THSD4: variants seen among roughly 807,000 people sequenced by gnomAD.
The protein encoded by THSD4 is thrombospondin type-1 domain-containing protein 4.
A neutral mutation model predicts 119.0 loss-of-function variants in THSD4; 69 were observed. The ratio of observed to expected loss-of-function variants is 0.58; its 90% CI spans 0.48 to 0.71. The LOEUF is 0.71. Among genes scored for constraint, THSD4 ranks in the 30% least tolerant of loss-of-function variants. The probability of loss-of-function intolerance (pLI) is 0.00; values close to 1 mark genes in which losing one functional copy is unlikely to be tolerated. For synonymous variants in THSD4, 524 were observed against 540.4 expected (o/e 0.97, Z 0.42); for missense variants, 1,393 against 1,391.1 (o/e 1.00, Z -0.02).
intron 7 of THSD4, among the ~76,000 whole-genome samples, chr15:71,521,376 A>G (rs1454032382): frequency 2.0e-5 from 3 of 152,226 alleles, no homozygotes; most frequent in Non-Finnish European, 4.4e-5. Flanking sequence ...AAATGAAATA[A>G]GATTCTTTAG....
In THSD4 at chr15:71,689,672, G is replaced by A. The variant is rs188253105; in HGVS notation, c.1357+28938G>A. 2.3e-3 allele frequency among the ~76,000 whole-genome samples: 350 copies of A among 152,302 alleles called. 4 individuals carry two copies. Among genetic ancestry groups the A allele is most frequent in the African/African-American group, 7.6e-3 (317 of 41,568 alleles). ...GATTTGTCACTTGGGGCAAGACTGCGTGCATCACCTCAGTTTCTGCATCCA... is the reference window on the plus strand; with the variant it reads ...GATTTGTCACTTGGGGCAAGACTGCATGCATCACCTCAGTTTCTGCATCCA... On this transcript the variant is annotated intron_variant, in intron 8 of 17. Coordinates refer to ENST00000261862, the MANE Select transcript of THSD4 (RefSeq NM_024817.3).
chr15:71,405,492 A>T (rs1027888589), intron 6 of THSD4, among the ~76,000 whole-genome samples: 8 of 152,208 alleles, frequency 5.3e-5, no homozygotes, highest in African/African-American at 1.2e-4. Flanking sequence ...TCAAAAATCA[A>T]TTGTCCATAA....
intron 14 of THSD4, among the ~76,000 whole-genome samples, chr15:71,750,810 A>T (rs2141180410): frequency 6.6e-6 from 1 of 152,300 alleles, no homozygotes; most frequent in East Asian, 1.9e-4. Context: ...AGGAGAGCTC[A>T]TCCTAGTTCT....
At chr15:71,343,393 T>C (rs1322696967) in intron 6 of THSD4, among the ~76,000 whole-genome samples, 4 of 152,208 alleles carry the variant, frequency 2.6e-5, no homozygotes, top group Admixed American at 6.5e-5. Context: ...CAGATGACTG[T>C]AAAGTTAGTG....
chr15:71,232,971 T>A (rs2044073260), intron 4 of THSD4, among the ~76,000 whole-genome samples: 1 of 152,156 alleles, frequency 6.6e-6, no homozygotes, highest in Non-Finnish European at 1.5e-5. Flanking sequence ...CACTGGGGTG[T>A]TTGTCATCAC....
At chr15:71,354,236 A>G (rs1322567473) in intron 6 of THSD4, among the ~76,000 whole-genome samples, 1 of 152,214 alleles carries the variant, frequency 6.6e-6, no homozygotes, top group East Asian at 1.9e-4. Flanking sequence ...TTGAGGCTGC[A>G]GTGAGCCATG....
chr15:71,136,249 C>T (rs2040551251), intron 1 of THSD4, among the ~76,000 whole-genome samples: 1 of 151,998 alleles, frequency 6.6e-6, no homozygotes, highest in African/African-American at 2.4e-5. Flanking sequence ...TTGGAACTGC[C>T]CTGATGTCGG....
intron 7 of THSD4, among the ~76,000 whole-genome samples, chr15:71,552,287 G>A (rs1239500211): frequency 6.6e-6 from 1 of 152,148 alleles, no homozygotes; most frequent in African/African-American, 2.4e-5. Context: ...TTTATGACGT[G>A]TCATTTAGGT....
chr15:71,486,088 A>G (rs540040539), intron 7 of THSD4, among the ~76,000 whole-genome samples: 1 of 152,234 alleles, frequency 6.6e-6, no homozygotes, highest in African/African-American at 2.4e-5. Context: ...GGACATGTGG[A>G]GTTTTATATA....
chr15:71,709,979 G>A (rs962393112), intron 8 of THSD4, among the ~76,000 whole-genome samples: 2 of 152,174 alleles, frequency 1.3e-5, no homozygotes, highest in African/African-American at 2.4e-5. Flanking sequence ...CTAGGGATGT[G>A]GGGAATCCCC....
chr15:71,691,932 G>A (rs1297609830), intron 8 of THSD4, among the ~76,000 whole-genome samples: 1 of 152,132 alleles, frequency 6.6e-6, no homozygotes, highest in Non-Finnish European at 1.5e-5. Context: ...AGATCAAGCC[G>A]TCCAGGTGGA....
chr15:71,407,066 CT>C (rs2096706515), intron 6 of THSD4, among the ~76,000 whole-genome samples: 1 of 152,088 alleles, frequency 6.6e-6, no homozygotes, highest in African/African-American at 2.4e-5. Context: ...ATAAAATGTA[CT>C]TTTCTCTAGT....
Position 71,346,868 on chromosome 15 carries a change from C to CTTTTTT in THSD4, c.1016-64801_1016-64796dup, listed in dbSNP as rs71154763. Among the ~76,000 whole-genome samples, 589 of 85,996 alleles carry CTTTTTT rather than the reference C, an allele frequency of 6.8e-3. 6 individuals carry two copies. The highest frequency in any genetic ancestry group is 9.6e-3 in the African/African-American group (200 of 20,814). 56.4% of individuals were successfully genotyped at this position (85,996 alleles called of 152,430 possible). A position where few individuals can be genotyped will look rare whatever the true frequency, so the allele number is the denominator to read the frequency against. On this transcript the variant is annotated intron_variant, in intron 6 of 17. Coordinates refer to ENST00000261862, the MANE Select transcript of THSD4 (RefSeq NM_024817.3). ...ACATCATAAGTTTCATTTTCATTTTCTTTTTTTTTTTTTTTTTTTTTTTGA... is the reference window on the plus strand; with the variant it reads ...ACATCATAAGTTTCATTTTCATTTTCTTTTTTTTTTTTTTTTTTTTTTTTTTTTTGA...
At chr15:71,645,016 G>C (rs1038241160) in intron 7 of THSD4, among the ~76,000 whole-genome samples, 3 of 152,134 alleles carry the variant, frequency 2.0e-5, no homozygotes, top group African/African-American at 7.2e-5. Context: ...AAAGGTAATA[G>C]GCTGTTTTTC....
intron 6 of THSD4, among the ~76,000 whole-genome samples, chr15:71,404,935 C>T (rs1041956026): frequency 6.6e-6 from 1 of 151,616 alleles, no homozygotes; most frequent in Admixed American, 6.6e-5. Flanking sequence ...GTCACCCAGG[C>T]TGGAGTGCAG....
At chr15:71,495,009 A>G (rs186851009) in intron 7 of THSD4, among the ~76,000 whole-genome samples, 13 of 152,328 alleles carry the variant, frequency 8.5e-5, no homozygotes, top group African/African-American at 2.9e-4. Context: ...GTATTGATAC[A>G]GCTGACCTGG....
chr15:71,154,926 C>T lies in THSD4; in HGVS notation c.93C>T (p.His31=), dbSNP rs1454052740. ...QFVCPQPSTQ[H]RKVPQRMAAE... is the part of the protein sequence containing the mutation. ...TCTGCCCACAGCCCTCCACTCAACACAGGAAGGTAAGCCATGGCCATCCAG... is the reference window on the plus strand; with the variant it reads ...TCTGCCCACAGCCCTCCACTCAACATAGGAAGGTAAGCCATGGCCATCCAG... Residue 31 remains histidine, a synonymous_variant, in exon 3 of 18, where the codon CAC becomes CAT. Coordinates refer to ENST00000261862, the MANE Select transcript of THSD4 (RefSeq NM_024817.3). 1 of 1,614,164 alleles carries T rather than the reference C, an allele frequency of 6.2e-7. No individual in the cohort carries two copies. Among genetic ancestry groups the T allele is most frequent in the Non-Finnish European group, 8.5e-7 (1 of 1,180,042 alleles).
intron 7 of THSD4, among the ~76,000 whole-genome samples, chr15:71,634,563 G>A (rs1326079495): frequency 6.6e-6 from 1 of 152,226 alleles, no homozygotes; most frequent in Non-Finnish European, 1.5e-5. Context: ...TAAGATTTAG[G>A]AGAAGGGATC....
intron 8 of THSD4, among the ~76,000 whole-genome samples, chr15:71,671,143 C>T (rs2051519402): frequency 6.6e-6 from 1 of 152,180 alleles, no homozygotes; most frequent in Non-Finnish European, 1.5e-5. Flanking sequence ...CTCTCCAGCA[C>T]CTGTAGTTCC....
Sources: gnomAD v4.1 joint callset for allele counts (sites outside exome capture counted in the v4.1 genomes callset) on GRCh38, gnomAD v4.1.1 for gene constraint, MANE v1.5 for transcripts, NCBI Gene and HGNC (gene_info 2026-07-23, HGNC 2026-07-21) for gene names.